ATXN7L1: variants seen among roughly 807,000 people sequenced by gnomAD.
ATXN7L1 encodes ataxin-7-like protein 1.
ATXN7L1 carries 15 observed loss-of-function variants against 70.8 expected under a neutral mutation model. That is an observed-to-expected ratio of 0.21 (90% confidence interval 0.14 to 0.33). The LOEUF is 0.33. ATXN7L1 is among the 10% of genes least tolerant of loss of function. The probability of loss-of-function intolerance (pLI) is 1.00; values close to 1 mark genes in which losing one functional copy is unlikely to be tolerated. For synonymous variants in ATXN7L1, 440 were observed against 445.1 expected, an observed-to-expected ratio of 0.99 and a Z score of 0.14; for missense variants, 975 against 1,097.1, an observed-to-expected ratio of 0.89 and a Z score of 1.57.
chr7:105,819,619 T>C, intron 2 of ATXN7L1: 1 of 871,442 alleles, frequency 1.1e-6, no homozygotes, highest in East Asian at 2.6e-5. Context: ...GGCATCATCA[T>C]TTCTGGCCAT....
chr7:105,735,657 C>T (rs1203742866), intron 3 of ATXN7L1, among the ~76,000 whole-genome samples: 3 of 152,180 alleles, frequency 2.0e-5, no homozygotes, highest in Admixed American at 2.0e-4. Flanking sequence ...TCTATTCCCA[C>T]CCCCTAAATG....
chr7:105,740,784 T>C (rs375327796), intron 3 of ATXN7L1, among the ~76,000 whole-genome samples: 1 of 77,926 alleles, frequency 1.3e-5, no homozygotes, highest in African/African-American at 6.1e-5. Flanking sequence ...TTTTTTTTTT[T>C]AATGGAGTCT....
At chr7:105,773,382 C>T (rs1023881987) in intron 3 of ATXN7L1, among the ~76,000 whole-genome samples, 4 of 152,180 alleles carry the variant, frequency 2.6e-5, no homozygotes, top group Non-Finnish European at 5.9e-5. Context: ...CACTGCCACA[C>T]TATACCCATC....
At chr7:105,675,786 C>T (rs901973448) in intron 3 of ATXN7L1, among the ~76,000 whole-genome samples, 8 of 151,482 alleles carry the variant, frequency 5.3e-5, no homozygotes, top group African/African-American at 1.9e-4. Context: ...TATCCTTAAG[C>T]AGAAAAGGTG....
At chr7:105,739,879 C>T (rs1797815839) in intron 3 of ATXN7L1, among the ~76,000 whole-genome samples, 1 of 152,156 alleles carries the variant, frequency 6.6e-6, no homozygotes, top group South Asian at 2.1e-4. Flanking sequence ...GAGAATTTTG[C>T]CCCAGGTTCT....
intron 2 of ATXN7L1, among the ~76,000 whole-genome samples, chr7:105,870,964 C>T (rs1476022905): frequency 6.6e-6 from 1 of 151,972 alleles, no homozygotes; most frequent in Non-Finnish European, 1.5e-5. Flanking sequence ...AAATGATTTG[C>T]AGCAGAATAT....
At chr7:105,820,416 A>C (rs1222687818) in intron 2 of ATXN7L1, among the ~76,000 whole-genome samples, 11 of 152,124 alleles carry the variant, frequency 7.2e-5, no homozygotes, top group African/African-American at 1.9e-4. Flanking sequence ...CATGCTGGGC[A>C]GTGGGGTGAA....
rs939028817 is a variant in ATXN7L1 at position 105,869,311 on chromosome 7, G to C, written c.250+6501C>G. On this transcript the variant is annotated intron_variant, in intron 2 of 11. Transcript: ENST00000419735. Reference sequence around the variant, plus strand: ...ATGGGGAATGAAGTTGAAATTAATGGTAAAAATGAGGTTTATCTGTGTAAT... The same window carrying C: ...ATGGGGAATGAAGTTGAAATTAATGCTAAAAATGAGGTTTATCTGTGTAAT... Among the ~76,000 whole-genome samples, 8 of 152,322 alleles carry C rather than the reference G, an allele frequency of 5.3e-5. No homozygotes were observed. In the South Asian group the frequency reaches 1.2e-3, roughly 24 times the overall value.
intron 10 of ATXN7L1, among the ~76,000 whole-genome samples, chr7:105,611,033 GC>G (rs1447212045): frequency 6.6e-6 from 1 of 152,244 alleles, no homozygotes; most frequent in African/African-American, 2.4e-5. Context: ...GACTCCCTCA[GC>G]CTGGCTGCAG....
chr7:105,757,521 G>C (rs1355837102), intron 3 of ATXN7L1, among the ~76,000 whole-genome samples: 1 of 142,686 alleles, frequency 7.0e-6, no homozygotes, highest in Non-Finnish European at 1.5e-5. Flanking sequence ...CAAAAAGGCA[G>C]ACATTCAAAA....
At chr7:105,791,377 C>A (rs1349626998) in intron 2 of ATXN7L1, among the ~76,000 whole-genome samples, 1 of 152,272 alleles carries the variant, frequency 6.6e-6, no homozygotes, top group South Asian at 2.1e-4. Flanking sequence ...TTAGTCAGGG[C>A]CTGGTAGGCA....
At chr7:105,852,457 G>A (rs1302695742) in intron 2 of ATXN7L1, among the ~76,000 whole-genome samples, 1 of 152,090 alleles carries the variant, frequency 6.6e-6, no homozygotes, top group Admixed American at 6.6e-5. Flanking sequence ...TTCAGCTCTG[G>A]CAGGACTCTT....
At chr7:105,856,260 G>T (rs554359936) in intron 2 of ATXN7L1, among the ~76,000 whole-genome samples, 28 of 152,286 alleles carry the variant, frequency 1.8e-4, no homozygotes, top group Admixed American at 1.2e-3. Context: ...CAAAGCATTT[G>T]GTAAGAATCT....
At chr7:105,656,173 G>A (rs990896196) in intron 4 of ATXN7L1, among the ~76,000 whole-genome samples, 2 of 152,338 alleles carry the variant, frequency 1.3e-5, no homozygotes, top group African/African-American at 4.8e-5. Context: ...TAGCAGCTGA[G>A]AGAGTCAGAC....
intron 3 of ATXN7L1, among the ~76,000 whole-genome samples, chr7:105,689,719 G>A (rs1790498325): frequency 6.6e-6 from 1 of 152,212 alleles, no homozygotes; most frequent in Admixed American, 6.5e-5. Flanking sequence ...TTAGAACAAA[G>A]AGTCCCTTAG....
chr7:105,641,208 C>CTTT (rs1562939235), intron 5 of ATXN7L1, among the ~76,000 whole-genome samples: 1 of 70,836 alleles, frequency 1.4e-5, no homozygotes, highest in African/African-American at 5.2e-5. Flanking sequence ...CTCTCTCTCT[C>CTTT]TCTCTCTTTT....
chr7:105,758,463 C>A (rs1386244207), intron 3 of ATXN7L1, among the ~76,000 whole-genome samples: 1 of 152,254 alleles, frequency 6.6e-6, no homozygotes, highest in African/African-American at 2.4e-5. Context: ...CCATCACACT[C>A]TTCAGTGTGA....
In ATXN7L1 at chr7:105,772,063, A is replaced by ATTTTTTT. The variant is rs533366742; in HGVS notation, c.355+16534_355+16540dup. Reference sequence around the variant, plus strand: ...TATTAAAAGACAATATCAGATTGGAATTTTTTTTTTTTTTTTTTTTTTTTT... The same window carrying ATTTTTTT: ...TATTAAAAGACAATATCAGATTGGAATTTTTTTTTTTTTTTTTTTTTTTTTTTTTTTT... On this transcript the variant is annotated intron_variant, in intron 3 of 11. Coordinates refer to ENST00000419735, the MANE Select transcript of ATXN7L1 (RefSeq NM_020725.2). 3.5e-4 allele frequency among the ~76,000 whole-genome samples: 35 copies of ATTTTTTT among 99,828 alleles called. 4 individuals are homozygous for ATTTTTTT. Among genetic ancestry groups the ATTTTTTT allele is most frequent in the East Asian group, 2.4e-3 (8 of 3,268 alleles). The allele number at this position is 99,828 out of a possible 152,430, so 65.5% of individuals were successfully genotyped here.
intron 3 of ATXN7L1, chr7:105,679,159 C>A: frequency 1.0e-6 from 1 of 985,594 alleles, no homozygotes; most frequent in Non-Finnish European, 1.2e-6. Context: ...GGGCCCTGGC[C>A]AGTCAGAACG....
Sources: allele counts gnomAD v4.1 joint callset (sites outside exome capture counted in the v4.1 genomes callset), GRCh38; gene constraint gnomAD v4.1.1; transcripts MANE v1.5; gene names NCBI Gene and HGNC (gene_info 2026-07-23, HGNC 2026-07-21).